MMP25: variants seen among roughly 807,000 people sequenced by gnomAD.
MMP25 encodes the protein matrix metalloproteinase-25.
In MMP25, 68 loss-of-function variants were observed where a neutral mutation model predicts 62.1. That is an observed-to-expected ratio of 1.10 (90% CI 0.90 to 1.34). MMP25 has a LOEUF of 1.34. Among genes scored for constraint, MMP25 ranks in the 40% most tolerant of loss-of-function variants. The probability of loss-of-function intolerance (pLI) is 0.00; values close to 1 mark genes in which losing one functional copy is unlikely to be tolerated. For missense variants in MMP25, 942 were observed against 792.5 expected (o/e 1.19, Z -2.26); for synonymous variants, 407 against 345.6 (o/e 1.18, Z -1.97).
In MMP25 at chr16:3,059,414, C is replaced by G. The variant is rs1177648707; in HGVS notation, c.*316C>G. On this transcript the variant is annotated 3_prime_UTR_variant, in exon 10 of 10. Transcript: ENST00000336577. ...TTCCCTCCCGGCTGCCGCCAGGGGGCGGTCGGACCCCGCCTCCCGAGCCCG... is the reference window on the plus strand; with the variant it reads ...TTCCCTCCCGGCTGCCGCCAGGGGGGGGTCGGACCCCGCCTCCCGAGCCCG... The G allele has an allele frequency of 3.8e-6, 1 of 259,766 alleles. No homozygotes were observed. The highest frequency in any genetic ancestry group is 2.2e-5 in the African/African-American group (1 of 45,068). 16.1% of individuals were successfully genotyped at this position (259,766 alleles called of 1,614,324 possible).
Position 3,049,928 on chromosome 16 carries a change from T to C in MMP25, c.233-81T>C. 5 of 1,581,740 alleles carry C rather than the reference T, an allele frequency of 3.2e-6. No homozygotes were observed. In the South Asian group the frequency reaches 4.4e-5, roughly 14 times the overall value. On this transcript the variant is annotated intron_variant, in intron 2 of 9. Coordinates refer to ENST00000336577, the MANE Select transcript of MMP25 (RefSeq NM_022468.5). ...AGCCCTCTGAGCCTCAGTTTTCCCA[T>C]GTAGAAAGTTGACTGGTGCTATGAT...
intron 7 of MMP25, 87 bp downstream of exon 7, chr16:3,057,700 G>A (rs1956037939): frequency 1.6e-6 from 2 of 1,269,610 alleles, no homozygotes; most frequent in East Asian, 2.3e-5. Context: ...CCTGGAAGCG[G>A]AACTTTTTTC....
At position 3,047,499 on chromosome 16, in the gene MMP25, A is replaced by G. The variant is rs949978677; in HGVS notation, c.184A>G (p.Ile62Val). The part of the protein sequence containing the change: ...LQSPEKLRDA[I>V]KVMQRFAGLP... ...GAGCCCTGAGAAGTTGCGCGATGCC[A>G]TCAAAGTCATGCAGAGGTTCGCGGG... Residue 62 changes from isoleucine (I) to valine (V), a missense_variant, in exon 2 of 10, where the codon ATC (isoleucine) becomes GTC (valine). By Grantham distance (29) the Ile-to-Val change is conservative. Coordinates refer to ENST00000336577, the MANE Select transcript of MMP25 (RefSeq NM_022468.5). 3.1e-6 allele frequency: 5 copies of G among 1,613,798 alleles called. No homozygotes were observed. Among genetic ancestry groups the G allele is most frequent in the Non-Finnish European group, 3.4e-6 (4 of 1,179,940 alleles).
At position 3,057,026 on chromosome 16, in the gene MMP25, C is replaced by T. The variant is rs769131140; in HGVS notation, c.662-7C>T. On this transcript the variant is annotated splice_region_variant and splice_polypyrimidine_tract_variant and intron_variant, in intron 4 of 9. Transcript: ENST00000336577. ...CGGCCGCAGCTCTCACCCACTTTCT[C>T]CTGCAGACGGCGAGGGGACCGACCT... 1.9e-6 allele frequency: 3 copies of T among 1,558,806 alleles called. No homozygotes were observed. The highest frequency in any genetic ancestry group is 2.7e-5 in the African/African-American group (2 of 73,472).
At chr16:3,058,385 C>A (rs1043346606) in intron 8 of MMP25, 27 bp from the exon 9 acceptor site, 7 of 1,515,282 alleles carry the variant, frequency 4.6e-6, no homozygotes, top group Non-Finnish European at 6.2e-6. Flanking sequence ...GGAGCCCACC[C>A]CTGACCTCCC....
Position 3,059,023 on chromosome 16 carries a change from G to C in MMP25, c.1614G>C (p.Gln538His), listed in dbSNP as rs762482944. 5.8e-6 allele frequency: 9 copies of C among 1,555,880 alleles called. No homozygotes were observed. The highest frequency in any genetic ancestry group is 7.8e-6 in the Non-Finnish European group (9 of 1,149,644). Reference sequence around the variant, plus strand: ...GCGATTGTCAGTGCGAGCTCAACCAGGCCGCAGGACGTTGGCCTGCTCCCA... The same window carrying C: ...GCGATTGTCAGTGCGAGCTCAACCACGCCGCAGGACGTTGGCCTGCTCCCA... The part of the protein sequence containing the change: ...ETCDCQCELN[Q>H]AAGRWPAPIP... The change falls in exon 10 of 10, where the codon CAG (glutamine) becomes CAC (histidine). Residue 538 changes from glutamine to histidine, a missense_variant. By Grantham distance (24) the Gln-to-His change is conservative. Transcript: ENST00000336577.
In MMP25 at chr16:3,058,431, C is replaced by T. The variant is rs375829279; in HGVS notation, c.1179C>T (p.Phe393=). Residue 393 remains phenylalanine, a synonymous_variant, in exon 9 of 10, where the codon TTC becomes TTT. Coordinates refer to ENST00000336577, the MANE Select transcript of MMP25 (RefSeq NM_022468.5). ...CTGCAGGGCCCCAGTTCTGGGTGTT[C>T]CAGGACCGGCAGCTGGAGGGCGGGG... The part of the protein sequence containing the change: ...LLFSGPQFWV[F]QDRQLEGGAR... The T allele has an allele frequency of 2.5e-6, 4 of 1,577,242 alleles. No individual in the cohort carries two copies. Among genetic ancestry groups the T allele is most frequent in the Non-Finnish European group, 3.4e-6 (4 of 1,161,824 alleles).
chr16:3,046,942 G>A lies in MMP25; in HGVS notation c.25G>A (p.Ala9Thr). Reference protein sequence around the residue: MRLRLRLLALLLLLLAPPA... With the variant: MRLRLRLLTLLLLLLAPPA... ...CATGCGGCTGCGGCTCCGGCTTCTG[G>A]CGCTGCTGCTTCTGCTGCTGGCACC... is the stretch of plus-strand genomic sequence containing the variant. The change falls in exon 1 of 10, where the codon GCG becomes ACG. Residue 9 changes from alanine (A) to threonine (T), a missense_variant. Ala to Thr is a moderately conservative substitution (Grantham distance 58). Transcript: ENST00000336577. The A allele has an allele frequency of 6.8e-7, 1 of 1,468,134 alleles. No homozygotes were observed. Among genetic ancestry groups the A allele is most frequent in the East Asian group, 3.0e-5 (1 of 33,618 alleles). 90.9% of individuals were successfully genotyped at this position (1,468,134 alleles called of 1,614,324 possible).
intron 4 of MMP25, chr16:3,052,944 G>C (rs1955927180): frequency 6.6e-6 from 1 of 152,398 alleles, no homozygotes; most frequent in Non-Finnish European, 1.5e-5. Flanking sequence ...GTGAGGATGT[G>C]GTCTCAGCTG....
Position 3,057,452 on chromosome 16 carries a change from T to G in MMP25, c.923+58T>G. The G allele has an allele frequency of 1.9e-6, 3 of 1,593,254 alleles. No homozygotes were observed. In the South Asian group the frequency reaches 3.3e-5, roughly 18 times the overall value. On this transcript the variant is annotated intron_variant, in intron 6 of 9. Transcript: ENST00000336577. ...GACCAGCTGCCCAGCCTCAGTGTCC[T>G]CTGAGATGGGGATGGTGGGGGTCCC...
At chr16:3,048,065 C>T (rs1306314691) in intron 2 of MMP25, among the ~76,000 whole-genome samples, 1 of 152,178 alleles carries the variant, frequency 6.6e-6, no homozygotes, top group Non-Finnish European at 1.5e-5. Flanking sequence ...TTTCGAACTC[C>T]TGGCCTCAGG....
chr16:3,050,413 C>T lies in MMP25; in HGVS notation c.528C>T (p.Arg176=), dbSNP rs371570478. 1.3e-5 allele frequency: 21 copies of T among 1,613,912 alleles called. No homozygotes were observed. The highest frequency in any genetic ancestry group is 1.6e-4 in the Middle Eastern group (1 of 6,084). Residue 176 remains arginine (R), a synonymous_variant, in exon 4 of 10, where the codon CGC becomes CGT. Coordinates refer to ENST00000336577, the MANE Select transcript of MMP25 (RefSeq NM_022468.5). The stretch of plus-strand genomic sequence containing the variant: ...CCGACATCCTCATCGACTTTGCCCG[C>T]GCCTTCCACCAGGACAGCTACCCCT... ...QEPDILIDFA[R]AFHQDSYPFD...
rs117112664 is a variant in MMP25, at chr16:3,056,466, C to T, written c.662-567C>T. ...CCAGGCTGGAGTGCAATGACATGGT[C>T]ATGCGTCACTGCAGCCTCCACCTCC... On this transcript the variant is annotated intron_variant, in intron 4 of 9. Coordinates refer to ENST00000336577, the MANE Select transcript of MMP25 (RefSeq NM_022468.5). 1.3e-4 allele frequency among the ~76,000 whole-genome samples: 19 copies of T among 151,948 alleles called. No homozygotes were observed. The East Asian group carries it at 3.3e-3, about 26-fold the overall frequency.
At chr16:3,047,094 G>C in intron 1 of MMP25, 78 bp downstream of exon 1, 1 of 1,329,246 alleles carries the variant, frequency 7.5e-7, no homozygotes, top group Non-Finnish European at 9.7e-7. Context: ...TCCTGGGTCC[G>C]GAGGAGGCAG....
At chr16:3,049,924 C>A in intron 2 of MMP25, 85 bp from the exon 3 acceptor site, 1 of 1,582,660 alleles carries the variant, frequency 6.3e-7, no homozygotes, top group South Asian at 1.1e-5. Context: ...CCTCAGTTTT[C>A]CCATGTAGAA....
intron 2 of MMP25, 116 bp from the exon 3 acceptor site, chr16:3,049,893 A>T: frequency 6.8e-7 from 1 of 1,468,428 alleles, no homozygotes; most frequent in Non-Finnish European, 9.4e-7. Flanking sequence ...CTTCGAGGGC[A>T]CATTTCTTGA....
At chr16:3,055,217 G>T (rs1411604641) in intron 4 of MMP25, among the ~76,000 whole-genome samples, 1 of 152,074 alleles carries the variant, frequency 6.6e-6, no homozygotes, top group East Asian at 1.9e-4. Context: ...ATCTTGTGGG[G>T]CTGGGTCTGC....
chr16:3,058,596 C>A lies in MMP25; in HGVS notation c.1344C>A (p.Pro448=), dbSNP rs777493734. 1.9e-6 allele frequency: 3 copies of A among 1,607,412 alleles called. No homozygotes were observed. Among genetic ancestry groups the A allele is most frequent in the Non-Finnish European group, 2.5e-6 (3 of 1,177,890 alleles). The change falls in exon 9 of 10, where the codon CCC becomes CCA. Residue 448 remains proline, a synonymous_variant. Coordinates refer to ENST00000336577, the MANE Select transcript of MMP25 (RefSeq NM_022468.5). ...ACGAGGCGGCGGCGCGCCCGGACCCCGGCTACCCTCGCGACCTGAGCCTCT... is the reference window on the plus strand; with the variant it reads ...ACGAGGCGGCGGCGCGCCCGGACCCAGGCTACCCTCGCGACCTGAGCCTCT... The part of the protein sequence containing the change: ...RYDEAAARPD[P]GYPRDLSLWE...
chr16:3,049,935 A>G, intron 2 of MMP25, 74 bp from the exon 3 acceptor site: 7 of 1,591,720 alleles, frequency 4.4e-6, no homozygotes, highest in Non-Finnish European at 6.0e-6. Flanking sequence ...CCATGTAGAA[A>G]GTTGACTGGT....
Sources: allele counts gnomAD v4.1 joint callset (sites outside exome capture counted in the v4.1 genomes callset), GRCh38; gene constraint gnomAD v4.1.1; transcripts MANE v1.5; gene names NCBI Gene and HGNC (gene_info 2026-07-23, HGNC 2026-07-21).